Variants in UVRAG observed in about 807,000 individuals in gnomAD.
UVRAG encodes the protein UV radiation resistance associated.
In UVRAG, 19 loss-of-function variants were observed where a neutral mutation model predicts 78.0. The observed-to-expected ratio is 0.24, with a 90% confidence interval of 0.17 to 0.36. The LOEUF (loss-of-function observed/expected upper bound fraction) is 0.36. UVRAG is among the 10% of genes least tolerant of loss of function. The pLI is 1.00. For synonymous variants in UVRAG, 323 were observed against 324.6 expected, an observed-to-expected ratio of 1.00 and a Z score of 0.05; for missense variants, 740 against 853.8, an observed-to-expected ratio of 0.87 and a Z score of 1.66.
intron 8 of UVRAG, among the ~76,000 whole-genome samples, chr11:75,992,598 T>C (rs1270182357): frequency 6.6e-6 from 1 of 152,112 alleles, no homozygotes; most frequent in African/African-American, 2.4e-5. Flanking sequence ...AAGAGGGGGA[T>C]GGCTGGATAC....
chr11:76,107,576 G>A (rs1951994298), intron 13 of UVRAG, among the ~76,000 whole-genome samples: 1 of 152,220 alleles, frequency 6.6e-6, no homozygotes, highest in Admixed American at 6.5e-5. Context: ...ACTGGCACGT[G>A]TTTATAGATG....
At chr11:76,060,929 C>A (rs1951075597) in intron 12 of UVRAG, among the ~76,000 whole-genome samples, 1 of 152,258 alleles carries the variant, frequency 6.6e-6, no homozygotes, top group Non-Finnish European at 1.5e-5. Context: ...CCATCGAACA[C>A]CCAAGGGCTG....
chr11:76,121,331 C>T (rs545408347), intron 14 of UVRAG, among the ~76,000 whole-genome samples: 5 of 152,274 alleles, frequency 3.3e-5, no homozygotes, highest in South Asian at 4.1e-4. Context: ...ATAACCTAGT[C>T]GTAACTGCCA....
chr11:76,143,490 G>A lies in UVRAG; in HGVS notation c.*2077G>A, dbSNP rs537987404. ...CTGGGCTTGTGGCTTTTCACCGCAC[G>A]GCGGGGAGCCCTGCTCTTGAATGTC... is the stretch of plus-strand genomic sequence containing the variant. On this transcript the variant is annotated 3_prime_UTR_variant, in exon 15 of 15. Coordinates refer to ENST00000356136, the MANE Select transcript of UVRAG (RefSeq NM_003369.4). 1.2e-4 allele frequency among the ~76,000 whole-genome samples: 19 copies of A among 152,350 alleles called. No homozygotes were observed. Among genetic ancestry groups the A allele is most frequent in the Admixed American group, 2.0e-4 (3 of 15,306 alleles).
chr11:76,106,234 G>C (rs975175404), intron 13 of UVRAG, among the ~76,000 whole-genome samples: 5 of 152,098 alleles, frequency 3.3e-5, no homozygotes, highest in African/African-American at 9.7e-5. Context: ...GACACAACAG[G>C]CTAAATACTC....
intron 13 of UVRAG, among the ~76,000 whole-genome samples, chr11:76,098,870 G>A (rs1284709510): frequency 6.6e-6 from 1 of 152,094 alleles, no homozygotes; most frequent in Non-Finnish European, 1.5e-5. Context: ...AGCACCTTAT[G>A]CAAACAAAAT....
chr11:76,018,301 A>G (rs530304054), intron 12 of UVRAG, among the ~76,000 whole-genome samples: 1 of 150,716 alleles, frequency 6.6e-6, no homozygotes, highest in Non-Finnish European at 1.5e-5. Flanking sequence ...TGGGAGCTCC[A>G]TTGTATGTTA....
intron 7 of UVRAG, among the ~76,000 whole-genome samples, chr11:75,970,594 G>A (rs1261050198): frequency 3.9e-5 from 6 of 151,960 alleles, no homozygotes; most frequent in South Asian, 2.1e-4. Context: ...TTAGCCGGGC[G>A]TGGTCGCGGG....
At chr11:76,031,834 A>C (rs1950443442) in intron 12 of UVRAG, among the ~76,000 whole-genome samples, 2 of 152,206 alleles carry the variant, frequency 1.3e-5, no homozygotes, top group African/African-American at 4.8e-5. Flanking sequence ...CAGGACTCCC[A>C]ACACATCAGT....
At chr11:75,879,779 AG>A in intron 3 of UVRAG, 99 bp from the exon 4 acceptor site, 1 of 1,462,060 alleles carries the variant, frequency 6.8e-7, no homozygotes, top group Non-Finnish European at 9.3e-7. Flanking sequence ...TGTATTTATG[AG>A]GTCTTTTGGT....
At chr11:76,099,587 G>C (rs1951844940) in intron 13 of UVRAG, among the ~76,000 whole-genome samples, 1 of 151,992 alleles carries the variant, frequency 6.6e-6, no homozygotes, top group South Asian at 2.1e-4. Context: ...ATAGTAACAG[G>C]TCTTCCTATT....
At chr11:76,058,534 C>A (rs867124077) in intron 12 of UVRAG, among the ~76,000 whole-genome samples, 1,160 of 111,028 alleles carry the variant, frequency 0.01, 13 homozygotes, top group African/African-American at 0.033. Flanking sequence ...ACCCTATCTC[C>A]AAAAAAAAAA....
At chr11:76,079,172 A>G (rs146493389) in intron 13 of UVRAG, among the ~76,000 whole-genome samples, 1 of 152,314 alleles carries the variant, frequency 6.6e-6, no homozygotes, top group East Asian at 1.9e-4. Context: ...TTGACTCGCG[A>G]CAGCATGATC....
intron 1 of UVRAG, among the ~76,000 whole-genome samples, chr11:75,825,841 C>CTTTTTT (rs1049114164): frequency 6.9e-6 from 1 of 144,170 alleles, no homozygotes. Context: ...GAAGTTGTTT[C>CTTTTTT]TTTTTTTTTT....
chr11:75,875,417 AT>A (rs1303308202), intron 3 of UVRAG, among the ~76,000 whole-genome samples: 3 of 149,156 alleles, frequency 2.0e-5, no homozygotes, highest in Non-Finnish European at 3.0e-5. Context: ...GTGTTCTGAT[AT>A]GGTTTTATTT....
rs750447994 is a variant in UVRAG at position 76,115,989 on chromosome 11, C to A, written c.1371C>A (p.Phe457Leu). 5 of 1,613,770 alleles carry A rather than the reference C, an allele frequency of 3.1e-6. No individual in the cohort carries two copies. In the Admixed American group the frequency reaches 8.3e-5, roughly 27 times the overall value. ...LRQTLPNLKNFMEHGLMVRCD... is the reference protein window; with the variant it reads ...LRQTLPNLKNLMEHGLMVRCD... ...AAACCCTTCCCAACCTGAAAAACTTCATGGAGCATGGACTAATGGTCAGGT... is the reference window on the plus strand; with the variant it reads ...AAACCCTTCCCAACCTGAAAAACTTAATGGAGCATGGACTAATGGTCAGGT... The change falls in exon 14 of 15, where the codon TTC (phenylalanine) becomes TTA (leucine). Residue 457 changes from phenylalanine (F) to leucine (L), a missense_variant. Phe to Leu is a conservative substitution (Grantham distance 22, BLOSUM62 0). Transcript: ENST00000356136.
intron 12 of UVRAG, among the ~76,000 whole-genome samples, chr11:76,061,749 G>GT (rs1223941504): frequency 6.6e-6 from 1 of 152,160 alleles, no homozygotes; most frequent in Non-Finnish European, 1.5e-5. Context: ...ATTAAGAACT[G>GT]TAACACTCAC....
chr11:76,000,592 G>A (rs1457420336), intron 8 of UVRAG, among the ~76,000 whole-genome samples: 1 of 151,942 alleles, frequency 6.6e-6, no homozygotes, highest in Non-Finnish European at 1.5e-5. Context: ...CATAGCCTGG[G>A]CAACAGAGTG....
intron 8 of UVRAG, among the ~76,000 whole-genome samples, chr11:75,985,154 C>CT (rs796594987): frequency 0.026 from 3,316 of 128,524 alleles, 53 homozygotes; most frequent in East Asian, 0.037. Flanking sequence ...AATTTCTTTT[C>CT]TTTTTTTTTT....
Sources: gnomAD v4.1 joint callset for allele counts (sites outside exome capture counted in the v4.1 genomes callset) on GRCh38, gnomAD v4.1.1 for gene constraint, MANE v1.5 for transcripts, NCBI Gene and HGNC (gene_info 2026-07-23, HGNC 2026-07-21) for gene names.